Variants in SFI1 observed in about 807,000 individuals in gnomAD.
SFI1 encodes SFI1 centrin binding protein, also known as protein SFI1 homolog.
In SFI1, 195 loss-of-function variants were observed where a neutral mutation model predicts 207.5. That is an observed-to-expected ratio of 0.94 (90% CI 0.84 to 1.06). The LOEUF is 1.06. SFI1 is among the 50% of genes least tolerant of loss of function. The pLI, the probability that SFI1 is intolerant of heterozygous loss-of-function variation, is 0.00. For synonymous variants in SFI1, 630 were observed against 598.9 expected (o/e 1.05, Z -0.76); for missense variants, 1,634 against 1,588.0 (o/e 1.03, Z -0.49).
chr22:31,530,203 A>AAAT (rs1569227870), intron 3 of SFI1, among the ~76,000 whole-genome samples: 4 of 127,740 alleles, frequency 3.1e-5, no homozygotes, highest in African/African-American at 9.1e-5. Context: ...AAAAAAAAAA[A>AAAT]GACAAGGCCG....
chr22:31,609,382 C>T (rs909070161), intron 22 of SFI1, among the ~76,000 whole-genome samples: 2 of 152,138 alleles, frequency 1.3e-5, no homozygotes, highest in Non-Finnish European at 1.5e-5. Context: ...CACAGACACG[C>T]GGCAGACCCA....
intron 7 of SFI1, chr22:31,559,643 TGGG>T: frequency 1.4e-6 from 1 of 721,442 alleles, no homozygotes; most frequent in Non-Finnish European, 2.6e-6. Context: ...CCTCACCAAG[TGGG>T]CAGGAGAACT....
At chr22:31,526,552 A>T (rs1448977171) in intron 2 of SFI1, among the ~76,000 whole-genome samples, 2 of 152,090 alleles carry the variant, frequency 1.3e-5, no homozygotes, top group African/African-American at 4.8e-5. Flanking sequence ...CAGCTAAACC[A>T]TATCAATACC....
At chr22:31,570,931 G>A (rs2062881239) in intron 8 of SFI1, among the ~76,000 whole-genome samples, 1 of 152,214 alleles carries the variant, frequency 6.6e-6, no homozygotes. Context: ...GTCAAGGGAG[G>A]TGAGGACCAA....
intron 4 of SFI1, among the ~76,000 whole-genome samples, chr22:31,540,867 G>A (rs1012359058): frequency 8.5e-5 from 13 of 152,092 alleles, no homozygotes; most frequent in African/African-American, 1.7e-4. Flanking sequence ...ACATGACACT[G>A]CATCCAGCTG....
At chr22:31,576,027 C>CTT (rs543573453) in intron 10 of SFI1, among the ~76,000 whole-genome samples, 7 of 142,218 alleles carry the variant, frequency 4.9e-5, no homozygotes, top group East Asian at 2.0e-4. Context: ...TGTACATATT[C>CTT]TTTTTTTTTT....
chr22:31,587,384 C>A, intron 14 of SFI1: 1 of 332,888 alleles, frequency 3.0e-6, no homozygotes, highest in Non-Finnish European at 6.6e-6. Context: ...TCACTGCAGC[C>A]TCACTCTCCC....
chr22:31,589,255 T>G (rs770697422), intron 14 of SFI1, among the ~76,000 whole-genome samples, 192 bp from the exon 15 acceptor site: 10 of 151,988 alleles, frequency 6.6e-5, no homozygotes, highest in Non-Finnish European at 1.5e-4. Context: ...TAACTAATGT[T>G]TAAGTGAAAA....
intron 15 of SFI1, among the ~76,000 whole-genome samples, chr22:31,594,099 C>G (rs1009258916): frequency 5.3e-5 from 8 of 152,218 alleles, no homozygotes; most frequent in African/African-American, 1.9e-4. Context: ...CCACTGAGAG[C>G]TCCATTAAAG....
At chr22:31,547,989 C>T (rs1308377083) in intron 5 of SFI1, among the ~76,000 whole-genome samples, 3 of 150,142 alleles carry the variant, frequency 2.0e-5, no homozygotes, top group African/African-American at 2.4e-5. Flanking sequence ...CCGAGATGGG[C>T]GGATCACGAG....
intron 9 of SFI1, among the ~76,000 whole-genome samples, chr22:31,573,521 T>C (rs2063169003): frequency 6.6e-6 from 1 of 150,776 alleles, no homozygotes; most frequent in South Asian, 2.1e-4. Flanking sequence ...CACTGCAACC[T>C]CCGTCTCCTG....
At chr22:31,593,045 A>C (rs1347937563) in intron 15 of SFI1, among the ~76,000 whole-genome samples, 6 of 93,842 alleles carry the variant, frequency 6.4e-5, no homozygotes, top group South Asian at 4.1e-4. Flanking sequence ...TGACCCCCCC[A>C]CCTCCCTCCC....
intron 2 of SFI1, among the ~76,000 whole-genome samples, chr22:31,515,567 TG>T (rs2056375627): frequency 6.6e-6 from 1 of 151,134 alleles, no homozygotes; most frequent in African/African-American, 2.4e-5. Context: ...TGTGTGTGTG[TG>T]TAGACAGGGT....
In SFI1 at chr22:31,613,730, T is replaced by A. The variant is rs554634446; in HGVS notation, c.2871T>A (p.Gly957=). Reference sequence around the variant, plus strand: ...CCAGCAGGAAAGTGACGTTTGAGGGTCCCCTTCTCAACCGCATTGCTGCTG... The same window carrying A: ...CCAGCAGGAAAGTGACGTTTGAGGGACCCCTTCTCAACCGCATTGCTGCTG... ...IAPSRKVTFE[G]PLLNRIAAGA... The change falls in exon 27 of 33, where the codon GGT becomes GGA. Residue 957 remains glycine, a synonymous_variant. Transcript: ENST00000400288. The A allele has an allele frequency of 2.5e-6, 4 of 1,613,160 alleles. No homozygotes were observed. The highest frequency in any genetic ancestry group is 3.3e-5 in the Admixed American group (2 of 59,994).
intron 10 of SFI1, among the ~76,000 whole-genome samples, chr22:31,576,521 A>T (rs1218026820): frequency 6.6e-6 from 1 of 151,568 alleles, no homozygotes; most frequent in Non-Finnish European, 1.5e-5. Flanking sequence ...GGGTTTCTCC[A>T]TGTTGGCCAG....
intron 6 of SFI1, among the ~76,000 whole-genome samples, chr22:31,553,510 A>T (rs1000299181): frequency 2.8e-5 from 4 of 144,206 alleles, no homozygotes. Flanking sequence ...GTGCGCTACC[A>T]TGCCCAGCTA....
intron 11 of SFI1, among the ~76,000 whole-genome samples, chr22:31,579,450 G>A (rs564796044): frequency 6.6e-6 from 1 of 152,132 alleles, no homozygotes; most frequent in South Asian, 2.1e-4. Context: ...CGAGTAGCTG[G>A]GACTACAGGT....
rs1157281190 is a variant in SFI1 at position 31,616,754 on chromosome 22, C to G, written c.3310C>G (p.Gln1104Glu). The change falls in exon 30 of 33, where the codon CAG (glutamine) becomes GAG (glutamate). Residue 1104 changes from glutamine (Q) to glutamate (E), a missense_variant. Coordinates refer to ENST00000400288, the MANE Select transcript of SFI1 (RefSeq NM_001007467.3). The part of the protein sequence containing the change: ...GAAAPARVSA[Q>E]RATPRDKPPV... ...CTTCTTTCCTTTGCAGGTGTCAGCACAGCGGGCTACTCCTAGGGATAAGCC... is the reference window on the plus strand; with the variant it reads ...CTTCTTTCCTTTGCAGGTGTCAGCAGAGCGGGCTACTCCTAGGGATAAGCC... 3 of 1,556,982 alleles carry G rather than the reference C, an allele frequency of 1.9e-6. No homozygotes were observed. Among genetic ancestry groups the G allele is most frequent in the Non-Finnish European group, 2.6e-6 (3 of 1,155,350 alleles).
Position 31,573,138 on chromosome 22 carries a change from GCACTGGC to G in SFI1, c.847_853del (p.His283LysfsTer6). 1 of 1,613,908 alleles carries G rather than the reference GCACTGGC, an allele frequency of 6.2e-7. No individual in the cohort carries two copies. The highest frequency in any genetic ancestry group is 8.5e-7 in the Non-Finnish European group (1 of 1,179,968). Reference sequence around the variant, plus strand: ...TTGTCTCTGCAGTGAAACATCATCAGCACTGGCAAAAACGGAGATTTCTAAAGGCCTG... The same window carrying G: ...TTGTCTCTGCAGTGAAACATCATCAGAAAAACGGAGATTTCTAAAGGCCTG... On this transcript the variant is annotated frameshift_variant, in exon 9 of 33. Transcript: ENST00000400288. LOFTEE classifies it high-confidence loss of function.
Sources: gnomAD v4.1 joint callset for allele counts (sites outside exome capture counted in the v4.1 genomes callset) on GRCh38, gnomAD v4.1.1 for gene constraint, MANE v1.5 for transcripts, NCBI Gene and HGNC (gene_info 2026-07-23, HGNC 2026-07-21) for gene names.